Variants in INPP4B observed in about 807,000 individuals in gnomAD.
INPP4B encodes inositol polyphosphate 4-phosphatase type II.
INPP4B carries 55 observed loss-of-function variants against 122.5 expected under a neutral mutation model. The ratio of observed to expected loss-of-function variants is 0.45; its 90% CI spans 0.36 to 0.56. INPP4B has a LOEUF of 0.56. INPP4B is among the 20% of genes least tolerant of loss of function. The pLI is 0.00. For synonymous variants in INPP4B, 403 were observed against 388.7 expected (o/e 1.04, Z -0.43); for missense variants, 1,000 against 1,097.7 (o/e 0.91, Z 1.26).
intron 2 of INPP4B, among the ~76,000 whole-genome samples, chr4:142,632,679 A>C (rs906582394): frequency 2.0e-5 from 3 of 152,096 alleles, no homozygotes; most frequent in African/African-American, 7.2e-5. Context: ...TGATAATAGC[A>C]TATACTAAAA....
intron 9 of INPP4B, among the ~76,000 whole-genome samples, chr4:142,282,808 G>C (rs186779628): frequency 3.1e-4 from 47 of 152,104 alleles, no homozygotes; most frequent in African/African-American, 1.1e-3. Context: ...ATATATTCAC[G>C]GTGCAACCTG....
At chr4:142,552,833 A>T (rs972398187) in intron 2 of INPP4B, among the ~76,000 whole-genome samples, 2 of 152,196 alleles carry the variant, frequency 1.3e-5, no homozygotes, top group African/African-American at 4.8e-5. Flanking sequence ...TATTTGCCCA[A>T]AGTCCTACAG....
chr4:142,033,864 A>G lies in INPP4B; in HGVS notation c.2643-4950T>C, dbSNP rs1742064160. 3.3e-5 allele frequency among the ~76,000 whole-genome samples: 5 copies of G among 151,764 alleles called. No individual in the cohort carries two copies. The South Asian group carries it at 1.0e-3, about 32-fold the overall frequency. On this transcript the variant is annotated intron_variant, in intron 25 of 25. Transcript: ENST00000262992. ...GTTTTTTTAATAGAGATGGGGTTTCACCATGTTGCCCAGGCTTTTCTCGAA... is the reference window on the plus strand; with the variant it reads ...GTTTTTTTAATAGAGATGGGGTTTCGCCATGTTGCCCAGGCTTTTCTCGAA...
At chr4:142,796,153 G>A (rs1242315760) in intron 1 of INPP4B, among the ~76,000 whole-genome samples, 1 of 151,848 alleles carries the variant, frequency 6.6e-6, no homozygotes, top group Non-Finnish European at 1.5e-5. Context: ...TAGGTGACAA[G>A]GACATTTAAA....
intron 2 of INPP4B, among the ~76,000 whole-genome samples, chr4:142,516,765 G>GT (rs967930736): frequency 1.5e-3 from 221 of 145,878 alleles, no homozygotes; most frequent in Admixed American, 1.8e-3. Flanking sequence ...TTCCTGTTTT[G>GT]TTTTTTTTTT....
At chr4:142,590,287 A>G (rs1261707201) in intron 2 of INPP4B, among the ~76,000 whole-genome samples, 1 of 152,210 alleles carries the variant, frequency 6.6e-6, no homozygotes, top group African/African-American at 2.4e-5. Flanking sequence ...ATCAATTAGG[A>G]GATCGGGGGA....
At chr4:142,182,139 G>A (rs1297287288) in intron 15 of INPP4B, among the ~76,000 whole-genome samples, 1 of 152,140 alleles carries the variant, frequency 6.6e-6, no homozygotes, top group Non-Finnish European at 1.5e-5. Context: ...TAATTTTCTA[G>A]CTCTGGTTCT....
intron 10 of INPP4B, among the ~76,000 whole-genome samples, chr4:142,262,386 C>T (rs976837295): frequency 6.6e-6 from 1 of 152,128 alleles, no homozygotes; most frequent in Non-Finnish European, 1.5e-5. Flanking sequence ...GGCCTTTGCT[C>T]TTGCTATTGA....
intron 2 of INPP4B, among the ~76,000 whole-genome samples, chr4:142,545,621 G>T (rs1829456499): frequency 6.6e-6 from 1 of 151,450 alleles, no homozygotes. Flanking sequence ...ATGCAAATAT[G>T]TTCAATTTTC....
intron 1 of INPP4B, among the ~76,000 whole-genome samples, chr4:142,726,659 A>G (rs1765384543): frequency 6.6e-6 from 1 of 152,220 alleles, no homozygotes. Flanking sequence ...ATAGGTAAGA[A>G]TTTTAAATTC....
At chr4:142,835,247 C>A (rs1350790620) in intron 1 of INPP4B, among the ~76,000 whole-genome samples, 1 of 152,156 alleles carries the variant, frequency 6.6e-6, no homozygotes, top group Non-Finnish European at 1.5e-5. Context: ...TCCATCTTAT[C>A]TATATGCAGC....
At chr4:142,252,353 T>C (rs1030949678) in intron 11 of INPP4B, among the ~76,000 whole-genome samples, 2 of 151,666 alleles carry the variant, frequency 1.3e-5, no homozygotes, top group African/African-American at 4.8e-5. Context: ...CACGCCCGGC[T>C]AATTTTTTGT....
chr4:142,300,147 G>T (rs867351892), intron 9 of INPP4B, among the ~76,000 whole-genome samples: 1 of 152,084 alleles, frequency 6.6e-6, no homozygotes. Context: ...TCACTGTGGG[G>T]GTTCACACCA....
chr4:142,705,305 G>A (rs1390231428), intron 2 of INPP4B, among the ~76,000 whole-genome samples: 1 of 152,022 alleles, frequency 6.6e-6, no homozygotes, highest in East Asian at 1.9e-4. Context: ...TTTCAATCCT[G>A]CACATTCACT....
intron 21 of INPP4B, among the ~76,000 whole-genome samples, chr4:142,121,227 G>GTT (rs35856904): frequency 3.9e-5 from 6 of 151,972 alleles, no homozygotes; most frequent in African/African-American, 9.6e-5. Context: ...GAGGATGTGG[G>GTT]TTTTTTTGTG....
intron 15 of INPP4B, among the ~76,000 whole-genome samples, chr4:142,177,779 A>C (rs900442879): frequency 6.6e-6 from 1 of 152,180 alleles, no homozygotes; most frequent in Non-Finnish European, 1.5e-5. Context: ...AAAAAAATAT[A>C]AAGCACATAA....
intron 18 of INPP4B, among the ~76,000 whole-genome samples, chr4:142,137,114 A>C (rs1804811389): frequency 6.6e-6 from 1 of 152,226 alleles, no homozygotes; most frequent in African/African-American, 2.4e-5. Context: ...TGGAGGCATC[A>C]TGCTACCTGA....
intron 1 of INPP4B, among the ~76,000 whole-genome samples, chr4:142,769,041 G>C (rs999077898): frequency 6.6e-6 from 1 of 152,138 alleles, no homozygotes; most frequent in Non-Finnish European, 1.5e-5. Context: ...AAGAGTGGTA[G>C]TGAAGAGAAG....
intron 16 of INPP4B, among the ~76,000 whole-genome samples, chr4:142,164,253 AT>A (rs1407157170): frequency 6.6e-6 from 1 of 151,882 alleles, no homozygotes; most frequent in East Asian, 1.9e-4. Flanking sequence ...GGACATGTTC[AT>A]TTAAAACTAC....
Sources: gnomAD v4.1 joint callset for allele counts (sites outside exome capture counted in the v4.1 genomes callset) on GRCh38, gnomAD v4.1.1 for gene constraint, MANE v1.5 for transcripts, NCBI Gene and HGNC (gene_info 2026-07-23, HGNC 2026-07-21) for gene names.